SNX8: variants seen among roughly 807,000 people sequenced by gnomAD.
SNX8 encodes sorting nexin-8.
SNX8 carries 25 observed loss-of-function variants against 51.6 expected under a neutral mutation model. That is an observed-to-expected ratio of 0.48 (90% CI 0.35 to 0.68). SNX8 has a LOEUF of 0.68. Ranked by LOEUF, SNX8 falls within the 30% of genes least tolerant of loss-of-function variation. The pLI, the probability that SNX8 is intolerant of heterozygous loss-of-function variation, is 0.00. For missense variants in SNX8, 695 were observed against 624.0 expected, an observed-to-expected ratio of 1.11 and a Z score of -1.21; for synonymous variants, 324 against 277.0, an observed-to-expected ratio of 1.17 and a Z score of -1.68.
intron 3 of SNX8, chr7:2,274,868 C>A: frequency 1.9e-6 from 1 of 515,576 alleles, no homozygotes. Flanking sequence ...CAAGGGCTTC[C>A]CCACCTGTCA....
At chr7:2,333,485 C>A (rs1778774743) in intron 1 of SNX8, among the ~76,000 whole-genome samples, 1 of 152,048 alleles carries the variant, frequency 6.6e-6, no homozygotes, top group Non-Finnish European at 1.5e-5. Context: ...TTGCTTGAGC[C>A]CAGCAGTTCA....
chr7:2,314,563 C>A (rs1796724487), upstream of SNX8: 3 of 846,182 alleles, frequency 3.5e-6, no homozygotes, highest in South Asian at 5.4e-5. Flanking sequence ...CCTGCGGGCC[C>A]GCCGCGCTCC....
chr7:2,286,357 T>C (rs1796028124), intron 1 of SNX8, among the ~76,000 whole-genome samples: 1 of 152,078 alleles, frequency 6.6e-6, no homozygotes, highest in Admixed American at 6.6e-5. Context: ...CTCAATTTCA[T>C]TAACCTTTAG....
intron 1 of SNX8, among the ~76,000 whole-genome samples, chr7:2,353,620 G>C (rs986009145): frequency 1.3e-5 from 2 of 151,866 alleles, no homozygotes; most frequent in African/African-American, 4.8e-5. Context: ...CAGTTCAGTG[G>C]CATCAAGTAC....
rs1016518502 is a variant in SNX8 at position 2,255,268 on chromosome 7, G to C, written c.1285-99C>G. 8.1e-6 allele frequency: 6 copies of C among 743,626 alleles called. No homozygotes were observed. In the East Asian group the frequency reaches 1.6e-4, roughly 20 times the overall value. The allele number at this position is 743,626 out of a possible 1,614,324, so 46.1% of individuals were successfully genotyped here. On this transcript the variant is annotated intron_variant, in intron 10 of 10. Transcript: ENST00000222990. ...TTCGCCTGCCAGTGACAGGGAGGGA[G>C]GGGCCCTCAGGTGCGCCAGCTCCTC... is the stretch of plus-strand genomic sequence containing the variant.
At chr7:2,287,963 AGTGTGGCT>A (rs1271557662) in intron 1 of SNX8, 1 of 152,310 alleles carries the variant, frequency 6.6e-6, no homozygotes, top group Non-Finnish European at 1.5e-5. Context: ...TATACTCTTC[AGTGTGGCT>A]GTGTGGCTGA....
intron 3 of SNX8, among the ~76,000 whole-genome samples, chr7:2,274,108 C>A (rs1562431716): frequency 6.6e-6 from 1 of 152,198 alleles, no homozygotes; most frequent in Admixed American, 6.5e-5. Flanking sequence ...CCTGAGCCAG[C>A]ATCACACATC....
At chr7:2,310,484 G>A (rs556013880) in intron 1 of SNX8, among the ~76,000 whole-genome samples, 124 of 152,118 alleles carry the variant, frequency 8.2e-4, no homozygotes, top group African/African-American at 2.9e-3. Context: ...TTGGCCAGGC[G>A]TGGCTGGGCG....
intron 1 of SNX8, among the ~76,000 whole-genome samples, chr7:2,350,808 G>C (rs993646273): frequency 2.6e-5 from 4 of 151,662 alleles, no homozygotes; most frequent in Admixed American, 2.6e-4. Context: ...GGCCACACCC[G>C]GCTAAATTTT....
At position 2,263,747 on chromosome 7, in the gene SNX8, T is replaced by C. The variant is rs1332394549; in HGVS notation, c.783-385A>G. On this transcript the variant is annotated intron_variant, in intron 6 of 10. Coordinates refer to ENST00000222990, the MANE Select transcript of SNX8 (RefSeq NM_013321.4). ...TTTTTTTTTTGAGACGGAGTCTCGC[T>C]GTATCACCCAGGCTGGAGTGCAGTG... Among the ~76,000 whole-genome samples, 6 of 152,140 alleles carry C rather than the reference T, an allele frequency of 3.9e-5. No homozygotes were observed. In the East Asian group the frequency reaches 1.2e-3, roughly 29 times the overall value.
chr7:2,273,126 C>T (rs141583325), intron 3 of SNX8, among the ~76,000 whole-genome samples: 120 of 152,142 alleles, frequency 7.9e-4, no homozygotes, highest in African/African-American at 2.5e-3. Flanking sequence ...GAGCCACCAG[C>T]GCCCAGCCTT....
At chr7:2,258,672 C>A (rs1795258257) in intron 7 of SNX8, among the ~76,000 whole-genome samples, 1 of 152,032 alleles carries the variant, frequency 6.6e-6, no homozygotes, top group Admixed American at 6.5e-5. Context: ...GGAGAGACAG[C>A]AGCTGCAGGA....
intron 4 of SNX8, 132 bp from the exon 5 acceptor site, chr7:2,269,771 A>G: frequency 1.8e-6 from 1 of 549,718 alleles, no homozygotes; most frequent in Non-Finnish European, 3.2e-6. Context: ...TGGCTTTGAC[A>G]TTAGTATTCT....
intron 6 of SNX8, among the ~76,000 whole-genome samples, 195 bp from the exon 7 acceptor site, chr7:2,263,557 G>C (rs1795389823): frequency 6.6e-6 from 1 of 152,174 alleles, no homozygotes; most frequent in African/African-American, 2.4e-5. Context: ...CTGCACCTCA[G>C]GACCTGCTGC....
intron 5 of SNX8, among the ~76,000 whole-genome samples, chr7:2,268,512 C>A (rs1795546810): frequency 6.8e-6 from 1 of 146,362 alleles, no homozygotes; most frequent in African/African-American, 2.5e-5. Flanking sequence ...GGGGTCAGCC[C>A]CCCCGCCCGG....
chr7:2,344,455 CA>C (rs1214973256), intron 1 of SNX8, among the ~76,000 whole-genome samples: 5 of 147,494 alleles, frequency 3.4e-5, no homozygotes, highest in Non-Finnish European at 6.0e-5. Flanking sequence ...ACTAAAAATA[CA>C]AAAAAATTAG....
At chr7:2,288,863 G>A (rs1562440514) in intron 1 of SNX8, among the ~76,000 whole-genome samples, 1 of 152,114 alleles carries the variant, frequency 6.6e-6, no homozygotes, top group African/African-American at 2.4e-5. Flanking sequence ...CCTCCTGAGT[G>A]TAGCTGGGAC....
intron 1 of SNX8, among the ~76,000 whole-genome samples, chr7:2,340,133 G>A (rs549378828): frequency 2.5e-4 from 38 of 151,618 alleles, no homozygotes; most frequent in African/African-American, 8.7e-4. Context: ...CACGATCTCA[G>A]CTCACTGCAA....
In SNX8 at chr7:2,297,156, C is replaced by T. The variant is rs1036142547; in HGVS notation, c.94+17172G>A. Reference sequence around the variant, plus strand: ...GGGAATGAAATTAGTACAGCCTTTGCGGAAAACAGTATGGAGATTTCTCAG... The same window carrying T: ...GGGAATGAAATTAGTACAGCCTTTGTGGAAAACAGTATGGAGATTTCTCAG... On this transcript the variant is annotated intron_variant, in intron 1 of 10. Coordinates refer to ENST00000222990, the MANE Select transcript of SNX8 (RefSeq NM_013321.4). 7.9e-5 allele frequency among the ~76,000 whole-genome samples: 12 copies of T among 151,978 alleles called. No individual in the cohort carries two copies. In the East Asian group the frequency reaches 1.5e-3, roughly 20 times the overall value.
Sources: allele counts gnomAD v4.1 joint callset (sites outside exome capture counted in the v4.1 genomes callset), GRCh38; gene constraint gnomAD v4.1.1; transcripts MANE v1.5; gene names NCBI Gene and HGNC (gene_info 2026-07-23, HGNC 2026-07-21).